The following BICD2 variants were observed in gnomAD, a reference collection of about 807,000 sequenced individuals.
The protein encoded by BICD2 is BICD cargo adaptor 2.
In BICD2, 25 loss-of-function variants were observed where a neutral mutation model predicts 72.9. That is an observed-to-expected ratio of 0.34 (90% CI 0.25 to 0.48). The LOEUF is 0.48. BICD2 is among the 20% of genes least tolerant of loss of function. BICD2 has a pLI of 0.99. For synonymous variants in BICD2, 501 were observed against 516.1 expected, an observed-to-expected ratio of 0.97 and a Z score of 0.40; for missense variants, 894 against 1,175.2, an observed-to-expected ratio of 0.76 and a Z score of 3.50.
At chr9:92,735,399 C>T (rs1232156116) in intron 1 of BICD2, among the ~76,000 whole-genome samples, 1 of 151,924 alleles carries the variant, frequency 6.6e-6, no homozygotes, top group Non-Finnish European at 1.5e-5. Context: ...AGGGAGAAAT[C>T]ACAGGGGCTC....
chr9:92,725,040 C>G (rs1853538239), intron 2 of BICD2, among the ~76,000 whole-genome samples: 1 of 152,194 alleles, frequency 6.6e-6, no homozygotes, highest in Non-Finnish European at 1.5e-5. Context: ...AGAAGGTGCT[C>G]CAGGCAGTGG....
chr9:92,733,516 C>T (rs577737039), intron 1 of BICD2, among the ~76,000 whole-genome samples: 11 of 149,674 alleles, frequency 7.3e-5, no homozygotes, highest in Admixed American at 2.0e-4. Context: ...CCAACCTGGA[C>T]GACAGAGGAA....
chr9:92,763,909 G>T (rs1005061077), intron 1 of BICD2, among the ~76,000 whole-genome samples: 14 of 152,226 alleles, frequency 9.2e-5, no homozygotes, highest in African/African-American at 3.1e-4. Flanking sequence ...CATGCCAGGG[G>T]CAACCTCCAC....
At chr9:92,753,687 C>T (rs555832450) in intron 1 of BICD2, among the ~76,000 whole-genome samples, 2 of 151,692 alleles carry the variant, frequency 1.3e-5, no homozygotes, top group Non-Finnish European at 1.5e-5. Context: ...TACAGGCACC[C>T]GCCACCAAGG....
intron 1 of BICD2, among the ~76,000 whole-genome samples, chr9:92,755,762 C>G (rs1486614450): frequency 6.6e-6 from 1 of 152,186 alleles, no homozygotes; most frequent in Admixed American, 6.5e-5. Context: ...ACTGAGGGAA[C>G]ATGGGTGTGA....
At chr9:92,762,707 C>A (rs114069774) in intron 1 of BICD2, among the ~76,000 whole-genome samples, 13 of 152,174 alleles carry the variant, frequency 8.5e-5, no homozygotes, top group Admixed American at 7.9e-4. Flanking sequence ...GGCACCAAAG[C>A]GGGGACAAGT....
In BICD2 at chr9:92,715,109, GAGGTGAAGCAGATGTT is replaced by G. The variant is rs772007562; in HGVS notation, c.*29_*44del. Reference sequence around the variant, plus strand: ...CCGTCCCGCTGCTGCTGGGTTAGTTGAGGTGAAGCAGATGTTAGCTGCAGCGTGCGGCGCCCCACAG... The same window carrying G: ...CCGTCCCGCTGCTGCTGGGTTAGTTGAGCTGCAGCGTGCGGCGCCCCACAG... On this transcript the variant is annotated 3_prime_UTR_variant, in exon 7 of 7. Coordinates refer to ENST00000356884, the MANE Select transcript of BICD2 (RefSeq NM_001003800.2). 2 of 1,532,128 alleles carry G rather than the reference GAGGTGAAGCAGATGTT, an allele frequency of 1.3e-6. No homozygotes were observed. Among genetic ancestry groups the G allele is most frequent in the African/African-American group, 2.7e-5 (2 of 73,082 alleles). 94.9% of individuals were successfully genotyped at this position (1,532,128 alleles called of 1,614,324 possible). A position where few individuals can be genotyped will look rare whatever the true frequency, so the allele number is the denominator to read the frequency against.
chr9:92,750,662 G>C (rs372364212), intron 1 of BICD2, among the ~76,000 whole-genome samples: 1 of 148,080 alleles, frequency 6.8e-6, no homozygotes, highest in East Asian at 2.0e-4. Flanking sequence ...GAAGCATAGG[G>C]TTTTTTTTTT....
chr9:92,755,243 T>C (rs1268719983), intron 1 of BICD2, among the ~76,000 whole-genome samples: 1 of 152,226 alleles, frequency 6.6e-6, no homozygotes, highest in Non-Finnish European at 1.5e-5. Flanking sequence ...CTAATAAATT[T>C]TGGTCAGACC....
Position 92,715,223 on chromosome 9 carries a change from G to A in BICD2, c.2499C>T (p.Asp833=), listed in dbSNP as rs781592149. 4 of 1,613,138 alleles carry A rather than the reference G, an allele frequency of 2.5e-6. No individual in the cohort carries two copies. Among genetic ancestry groups the A allele is most frequent in the Non-Finnish European group, 3.4e-6 (4 of 1,179,844 alleles). The change falls in exon 7 of 7, where the codon GAC becomes GAT. Residue 833 remains aspartate, a synonymous_variant. Transcript: ENST00000356884. The part of the protein sequence containing the change: ...SVSHTCACAS[D]RAEGTGLANQ... ...TGGCCAGCCCGGTGCCCTCGGCCCTGTCGCTGGCACAGGCACAGGTGTGAC... is the reference window on the plus strand; with the variant it reads ...TGGCCAGCCCGGTGCCCTCGGCCCTATCGCTGGCACAGGCACAGGTGTGAC...
chr9:92,722,584 G>A (rs960085927), intron 3 of BICD2, 72 bp downstream of exon 3: 1 of 1,595,200 alleles, frequency 6.3e-7, no homozygotes, highest in East Asian at 2.2e-5. Context: ...AACAGGGAGA[G>A]GGGCTGAGCA....
In BICD2 at chr9:92,715,108, T is replaced by G. The variant is rs767498609; in HGVS notation, c.*46A>C. On this transcript the variant is annotated 3_prime_UTR_variant, in exon 7 of 7. Transcript: ENST00000356884. The stretch of plus-strand genomic sequence containing the variant: ...GCCGTCCCGCTGCTGCTGGGTTAGT[T>G]GAGGTGAAGCAGATGTTAGCTGCAG... 2 of 1,531,510 alleles carry G rather than the reference T, an allele frequency of 1.3e-6. No individual in the cohort carries two copies. The highest frequency in any genetic ancestry group is 4.6e-5 in the East Asian group (2 of 43,834). 94.9% of individuals were successfully genotyped at this position (1,531,510 alleles called of 1,614,324 possible).
chr9:92,750,309 CCAA>C (rs1854121268), intron 1 of BICD2, among the ~76,000 whole-genome samples: 1 of 152,198 alleles, frequency 6.6e-6, no homozygotes, highest in Non-Finnish European at 1.5e-5. Flanking sequence ...AGGTAATTAC[CCAA>C]ATGGTAATTA....
chr9:92,720,898 A>C lies in BICD2; in HGVS notation c.607-143T>G. ...GCGCCAGGTGAGGTGCCATCCTGGGAAGGGTGGCAGCCCGTCCAGGCCAAG... is the reference window on the plus strand; with the variant it reads ...GCGCCAGGTGAGGTGCCATCCTGGGCAGGGTGGCAGCCCGTCCAGGCCAAG... On this transcript the variant is annotated intron_variant, in intron 3 of 6. Transcript: ENST00000356884. The surrounding 1 kb of genome is among the most constrained non-coding windows in gnomAD (Gnocchi z 5.4). 6 of 867,956 alleles carry C rather than the reference A, an allele frequency of 6.9e-6. No homozygotes were observed. The highest frequency in any genetic ancestry group is 1.0e-5 in the Non-Finnish European group (6 of 578,130). 53.8% of individuals were successfully genotyped at this position (867,956 alleles called of 1,614,324 possible).
intron 1 of BICD2, among the ~76,000 whole-genome samples, chr9:92,759,670 G>A (rs1389178120): frequency 6.6e-6 from 1 of 152,176 alleles, no homozygotes. Context: ...GACAACACAG[G>A]GTCTAAGGCC....
In BICD2 at chr9:92,749,204, G is replaced by A. The variant is rs374640265; in HGVS notation, c.240+15301C>T. 4.6e-5 allele frequency among the ~76,000 whole-genome samples: 7 copies of A among 152,228 alleles called. No individual in the cohort carries two copies. The South Asian group carries it at 1.5e-3, about 32-fold the overall frequency. On this transcript the variant is annotated intron_variant, in intron 1 of 6. Coordinates refer to ENST00000356884, the MANE Select transcript of BICD2 (RefSeq NM_001003800.2). ...GAGGGTGGGGCCTCCTGGGAACTGG[G>A]GTCCAGGCCAGGAGGCAGCGCCCGC...
At chr9:92,743,727 C>T (rs141456087) in intron 1 of BICD2, among the ~76,000 whole-genome samples, 93 of 152,228 alleles carry the variant, frequency 6.1e-4, no homozygotes, top group African/African-American at 2.2e-3. Flanking sequence ...TCTGCTGCAT[C>T]GCTGGGTCAG....
In BICD2 at chr9:92,714,147, G is replaced by A; in HGVS notation, c.*1007C>T. On this transcript the variant is annotated 3_prime_UTR_variant, in exon 7 of 7. Transcript: ENST00000356884. ...ATCTCCTACCTGTGAATCCTGACAA[G>A]TGGCCCTGGCCCTATGCAAAGCTTT... The A allele has an allele frequency of 1.0e-6, 1 of 985,644 alleles. No homozygotes were observed. Among genetic ancestry groups the A allele is most frequent in the Non-Finnish European group, 1.2e-6 (1 of 830,106 alleles). The allele number at this position is 985,644 out of a possible 1,614,324, so 61.1% of individuals were successfully genotyped here.
chr9:92,744,031 T>G (rs1235282334), intron 1 of BICD2, among the ~76,000 whole-genome samples: 1 of 152,210 alleles, frequency 6.6e-6, no homozygotes, highest in African/African-American at 2.4e-5. Context: ...CACACACTGC[T>G]GTGCTCCTCT....
Sources: allele counts gnomAD v4.1 joint callset (sites outside exome capture counted in the v4.1 genomes callset), GRCh38; gene constraint gnomAD v4.1.1; non-coding constraint Gnocchi (gnomAD v3.1); transcripts MANE v1.5; gene names NCBI Gene and HGNC (gene_info 2026-07-23, HGNC 2026-07-21).